The following INSR variants were observed in gnomAD, a reference collection of about 807,000 sequenced individuals.
INSR encodes insulin receptor.
INSR carries 67 observed loss-of-function variants against 142.6 expected under a neutral mutation model. The ratio of observed to expected loss-of-function variants is 0.47; its 90% confidence interval spans 0.39 to 0.58. The LOEUF (loss-of-function observed/expected upper bound fraction) is 0.58, where lower values mean the gene tolerates loss of function less well. Ranked by LOEUF, INSR falls within the 20% of genes least tolerant of loss-of-function variation. INSR has a pLI of 0.00. For missense variants in INSR, 1,248 were observed against 1,833.2 expected (o/e 0.68, Z 5.83); for synonymous variants, 756 against 743.1 (o/e 1.02, Z -0.28).
chr19:7,128,115 C>A (rs756818110), intron 15 of INSR, among the ~76,000 whole-genome samples: 1 of 151,938 alleles, frequency 6.6e-6, no homozygotes, highest in African/African-American at 2.4e-5. Flanking sequence ...GCATGTGGCA[C>A]AAAATGTTCT....
intron 2 of INSR, among the ~76,000 whole-genome samples, chr19:7,249,852 C>T (rs995387560): frequency 1.1e-4 from 17 of 151,940 alleles, no homozygotes; most frequent in South Asian, 2.1e-4. Context: ...ATTAGCCGGG[C>T]GTGGTGGCAG....
intron 3 of INSR, among the ~76,000 whole-genome samples, chr19:7,177,880 T>C (rs1974174644): frequency 6.6e-6 from 1 of 151,818 alleles, no homozygotes; most frequent in Non-Finnish European, 1.5e-5. Flanking sequence ...TTCTGGTGCA[T>C]GAAACCACAA....
chr19:7,121,840 T>A (rs1395765704), intron 19 of INSR, among the ~76,000 whole-genome samples: 1 of 151,778 alleles, frequency 6.6e-6, no homozygotes, highest in African/African-American at 2.4e-5. Context: ...TGGTGGGGGG[T>A]CCCCATCCAA....
At position 7,116,082 on chromosome 19, in the gene INSR, CTTTT is replaced by C. The variant is rs547421118; in HGVS notation, c.*970_*973del. ...TTCTCAAAACTCTGTCATCTCAGTT[CTTTT>C]TTTTTTTCCTTTTTCCATTTTGTTT... On this transcript the variant is annotated 3_prime_UTR_variant, in exon 22 of 22. Transcript: ENST00000302850. 1 of 127,662 alleles carries C rather than the reference CTTTT, an allele frequency of 7.8e-6. No homozygotes were observed. 7.9% of individuals were successfully genotyped at this position (127,662 alleles called of 1,614,324 possible). A position where few individuals can be genotyped will look rare whatever the true frequency, so the allele number is the denominator to read the frequency against.
chr19:7,278,040 G>A (rs1968111983), intron 1 of INSR, among the ~76,000 whole-genome samples: 2 of 151,940 alleles, frequency 1.3e-5, no homozygotes, highest in South Asian at 4.1e-4. Flanking sequence ...GTTGCATTGA[G>A]CCAAGACTGT....
chr19:7,160,211 A>G (rs1360730471), intron 9 of INSR, among the ~76,000 whole-genome samples: 1 of 151,568 alleles, frequency 6.6e-6, no homozygotes, highest in African/African-American at 2.4e-5. Flanking sequence ...CTGGAGTGCA[A>G]TGGTGCAAGC....
At chr19:7,162,510 C>CA (rs34535970) in intron 9 of INSR, among the ~76,000 whole-genome samples, 1,288 of 118,144 alleles carry the variant, frequency 0.011, 8 homozygotes, top group African/African-American at 0.021. Context: ...GACCCTGTCT[C>CA]AAAAAAAAAA....
chr19:7,231,327 GTC>G lies in INSR; in HGVS notation c.652+36016_652+36017del, dbSNP rs541548485. On this transcript the variant is annotated intron_variant, in intron 2 of 21. Coordinates refer to ENST00000302850, the MANE Select transcript of INSR (RefSeq NM_000208.4). ...TTTTTTTTTTTTTTTTTGAGATGGAGTCTCTCTCTTTCGCCCAGGCTCTAGTG... is the reference window on the plus strand; with the variant it reads ...TTTTTTTTTTTTTTTTTGAGATGGAGTCTCTCTTTCGCCCAGGCTCTAGTG... Among the ~76,000 whole-genome samples the G allele has an allele frequency of 2.2e-3, 294 of 136,430 alleles. 2 individuals carry two copies. The highest frequency in any genetic ancestry group is 7.9e-3 in the African/African-American group (282 of 35,896). The allele number at this position is 136,430 out of a possible 152,430, so 89.5% of individuals were successfully genotyped here. A position where few individuals can be genotyped will look rare whatever the true frequency, so the allele number is the denominator to read the frequency against.
chr19:7,188,300 C>T (rs1974483083), intron 2 of INSR, among the ~76,000 whole-genome samples: 1 of 152,092 alleles, frequency 6.6e-6, no homozygotes, highest in Non-Finnish European at 1.5e-5. Context: ...AATCCCAGCA[C>T]TTTGGGAGGC....
rs1198166320 is a variant in INSR at position 7,115,987 on chromosome 19, C to G, written c.*1069G>C. 6.6e-6 allele frequency: 1 copy of G among 152,154 alleles called. No homozygotes were observed. The highest frequency in any genetic ancestry group is 1.5e-5 in the Non-Finnish European group (1 of 68,040). 9.4% of individuals were successfully genotyped at this position (152,154 alleles called of 1,614,324 possible). ...ACTCATGTCCCCACTCCCCGCCAAC[C>G]CCGGGGAATAGTCAATAACTTATGA... On this transcript the variant is annotated 3_prime_UTR_variant, in exon 22 of 22. Coordinates refer to ENST00000302850, the MANE Select transcript of INSR (RefSeq NM_000208.4).
intron 2 of INSR, among the ~76,000 whole-genome samples, chr19:7,243,309 G>A (rs754713490): frequency 8.7e-5 from 12 of 137,980 alleles, no homozygotes; most frequent in Non-Finnish European, 1.4e-4. Context: ...GCAGTGGTGC[G>A]ATCTCGGCTC....
Position 7,112,574 on chromosome 19 carries a change from G to A in INSR, c.*4482C>T, listed in dbSNP as rs1972232950. ...GACTAAACAAGCTGTTCCTGAATATGTGCATGGGTGCACACTTATTTTGAG... is the reference window on the plus strand; with the variant it reads ...GACTAAACAAGCTGTTCCTGAATATATGCATGGGTGCACACTTATTTTGAG... On this transcript the variant is annotated 3_prime_UTR_variant, in exon 22 of 22. Coordinates refer to ENST00000302850, the MANE Select transcript of INSR (RefSeq NM_000208.4). The A allele has an allele frequency of 6.6e-6, 1 of 152,182 alleles. No individual in the cohort carries two copies. The highest frequency in any genetic ancestry group is 6.5e-5 in the Admixed American group (1 of 15,270). The allele number at this position is 152,182 out of a possible 1,614,324, so 9.4% of individuals were successfully genotyped here. A position where few individuals can be genotyped will look rare whatever the true frequency, so the allele number is the denominator to read the frequency against.
intron 8 of INSR, among the ~76,000 whole-genome samples, chr19:7,163,925 TAAAAAAA>T (rs748862314): frequency 1.1e-4 from 5 of 44,588 alleles, no homozygotes; most frequent in Admixed American, 5.9e-4. Flanking sequence ...CTATCTCTAC[TAAAAAAA>T]AAAAAAAAAA....
At chr19:7,263,828 A>G (rs1299223335) in intron 2 of INSR, among the ~76,000 whole-genome samples, 5 of 152,130 alleles carry the variant, frequency 3.3e-5, no homozygotes. Context: ...ATTTGAGACC[A>G]GCCTGACCAA....
In INSR at chr19:7,184,416, T is replaced by G. The variant is rs144645940; in HGVS notation, c.874A>C (p.Lys292Gln). Residue 292 changes from lysine to glutamine, a missense_variant, in exon 3 of 22, where the codon AAA (lysine) becomes CAA (glutamine). Physicochemically the swap from Lys to Gln is moderately conservative, Grantham distance 53. Coordinates refer to ENST00000302850, the MANE Select transcript of INSR (RefSeq NM_000208.4). Reference protein sequence around the residue: ...NFSFCQDLHHKCKNSRRQGCH... With the variant: ...NFSFCQDLHHQCKNSRRQGCH... ...CCCTGCCTCCGCGAGTTCTTGCATT[T>G]GTGGTGCAGGTCCTGGCAGAAGCTG... 5.1e-5 allele frequency: 82 copies of G among 1,613,966 alleles called. No homozygotes were observed. The highest frequency in any genetic ancestry group is 6.8e-5 in the Non-Finnish European group (80 of 1,180,030).
At chr19:7,170,876 C>T (rs1475630694) in intron 5 of INSR, 125 bp from the exon 6 acceptor site, 2 of 804,336 alleles carry the variant, frequency 2.5e-6, no homozygotes, top group Non-Finnish European at 4.4e-6. Context: ...ACTTGCTTGG[C>T]ACATACTCAA....
chr19:7,294,014 A>G lies in INSR; in HGVS notation c.-123T>C, dbSNP rs552135592. On this transcript the variant is annotated 5_prime_UTR_variant, in exon 1 of 22. Transcript: ENST00000302850. ...CGCGTCCTTCTCTTCCACGCCCGCGACCCGCGGGCCGCAGCCCCCCTGCCG... is the reference window on the plus strand; with the variant it reads ...CGCGTCCTTCTCTTCCACGCCCGCGGCCCGCGGGCCGCAGCCCCCCTGCCG... The G allele has an allele frequency of 7.8e-6, 8 of 1,026,038 alleles. No homozygotes were observed. In the South Asian group the frequency reaches 3.4e-4, roughly 43 times the overall value. 63.6% of individuals were successfully genotyped at this position (1,026,038 alleles called of 1,614,324 possible). A position where few individuals can be genotyped will look rare whatever the true frequency, so the allele number is the denominator to read the frequency against.
chr19:7,234,824 C>T (rs1976107101), intron 2 of INSR, among the ~76,000 whole-genome samples: 1 of 151,880 alleles, frequency 6.6e-6, no homozygotes, highest in African/African-American at 2.4e-5. Flanking sequence ...CTTTGGGAGG[C>T]CGAGGCGGGT....
chr19:7,165,289 TCAAA>T (rs1211052057), intron 8 of INSR, among the ~76,000 whole-genome samples: 3 of 151,718 alleles, frequency 2.0e-5, no homozygotes, highest in African/African-American at 7.3e-5. Flanking sequence ...AGACTCCATC[TCAAA>T]CAAACAAACA....
Sources: gnomAD v4.1 joint callset for allele counts (sites outside exome capture counted in the v4.1 genomes callset) on GRCh38, gnomAD v4.1.1 for gene constraint, MANE v1.5 for transcripts, NCBI Gene and HGNC (gene_info 2026-07-23, HGNC 2026-07-21) for gene names.